The following CSMD3 variants were observed in gnomAD, a reference collection of about 807,000 sequenced individuals.
The protein encoded by CSMD3 is CUB and Sushi multiple domains 3, also known as CUB and sushi domain-containing protein 3.
Under a neutral mutation model 435.2 loss-of-function variants are expected in CSMD3, and 177 were observed. That is an observed-to-expected ratio of 0.41 (90% CI 0.36 to 0.46). The LOEUF (loss-of-function observed/expected upper bound fraction) is 0.46, where lower values mean the gene tolerates loss of function less well. CSMD3 is among the 20% of genes least tolerant of loss of function. The pLI is 0.34. For synonymous variants in CSMD3, 1,656 were observed against 1,520.5 expected (o/e 1.09, Z -2.07); for missense variants, 4,265 against 4,504.6 (o/e 0.95, Z 1.52).
intron 13 of CSMD3, among the ~76,000 whole-genome samples, chr8:112,795,883 A>T (rs576608604): frequency 6.6e-6 from 1 of 152,222 alleles, no homozygotes; most frequent in East Asian, 1.9e-4. Context: ...AAAATCAAAA[A>T]TTTTTCTTTA....
At chr8:112,751,567 A>C (rs1266668574) in intron 13 of CSMD3, among the ~76,000 whole-genome samples, 1 of 149,604 alleles carries the variant, frequency 6.7e-6, no homozygotes, top group Non-Finnish European at 1.5e-5. Context: ...TATGGATCTG[A>C]TTTTCAGGTA....
intron 22 of CSMD3, among the ~76,000 whole-genome samples, chr8:112,636,232 T>A (rs2074653494): frequency 6.6e-6 from 1 of 152,120 alleles, no homozygotes; most frequent in Non-Finnish European, 1.5e-5. Flanking sequence ...ATTATAGTTA[T>A]TTTTTATTTC....
intron 24 of CSMD3, among the ~76,000 whole-genome samples, chr8:112,561,699 C>A (rs1486548817): frequency 6.6e-6 from 1 of 151,590 alleles, no homozygotes; most frequent in Admixed American, 6.6e-5. Context: ...AGCAAATATT[C>A]TAATTCAGTT....
intron 23 of CSMD3, among the ~76,000 whole-genome samples, chr8:112,583,474 T>A (rs898627744): frequency 2.6e-5 from 4 of 151,962 alleles, no homozygotes; most frequent in African/African-American, 9.7e-5. Context: ...CATTAAAGGA[T>A]TTTTTATAAA....
At chr8:112,471,853 C>T (rs1340463894) in intron 32 of CSMD3, among the ~76,000 whole-genome samples, 2 of 152,160 alleles carry the variant, frequency 1.3e-5, no homozygotes, top group Non-Finnish European at 2.9e-5. Flanking sequence ...AGTCTGTGAA[C>T]TTTCAGCCTC....
chr8:112,539,964 C>T (rs1191212777), intron 27 of CSMD3, among the ~76,000 whole-genome samples: 1 of 151,932 alleles, frequency 6.6e-6, no homozygotes, highest in Admixed American at 6.6e-5. Flanking sequence ...GAAGAGATAA[C>T]CTACAGAATG....
At chr8:113,388,024 T>C (rs2094446578) in intron 1 of CSMD3, among the ~76,000 whole-genome samples, 1 of 151,714 alleles carries the variant, frequency 6.6e-6, no homozygotes, top group Non-Finnish European at 1.5e-5. Flanking sequence ...TTGAACCAGA[T>C]ATCCCGCTAT....
At chr8:112,846,864 G>A (rs778613000) in intron 11 of CSMD3, among the ~76,000 whole-genome samples, 2 of 151,942 alleles carry the variant, frequency 1.3e-5, no homozygotes, top group Non-Finnish European at 2.9e-5. Flanking sequence ...AATAGTTAAG[G>A]TACTGCTATA....
chr8:113,178,150 TTGAG>T (rs983047916), intron 3 of CSMD3, among the ~76,000 whole-genome samples: 2 of 151,980 alleles, frequency 1.3e-5, no homozygotes, highest in Non-Finnish European at 2.9e-5. Context: ...AACTTCATTG[TTGAG>T]TATCAGCTTT....
At chr8:113,356,965 C>A (rs115301786) in intron 1 of CSMD3, among the ~76,000 whole-genome samples, 1,537 of 151,686 alleles carry the variant, frequency 0.01, 22 homozygotes, top group African/African-American at 0.036. Flanking sequence ...TTTTTAAAGT[C>A]CTGGATATTA....
chr8:112,440,320 A>G (rs1308912187), intron 32 of CSMD3, among the ~76,000 whole-genome samples: 1 of 152,188 alleles, frequency 6.6e-6, no homozygotes, highest in Non-Finnish European at 1.5e-5. Flanking sequence ...GGTTATACTG[A>G]TGCAAGGGTT....
In CSMD3 at chr8:112,363,021, C is replaced by A. The variant is rs1276396286; in HGVS notation, c.6137-10487G>T. Among the ~76,000 whole-genome samples, 4 of 151,986 alleles carry A rather than the reference C, an allele frequency of 2.6e-5. No individual in the cohort carries two copies. The East Asian group carries it at 7.7e-4, about 29-fold the overall frequency. ...TGAACAGTCCTGAAATCTTAACCAACACAGGTATTTGAACTTTCTGTGTTT... is the reference window on the plus strand; with the variant it reads ...TGAACAGTCCTGAAATCTTAACCAAAACAGGTATTTGAACTTTCTGTGTTT... On this transcript the variant is annotated intron_variant, in intron 38 of 70. Transcript: ENST00000297405.
At chr8:113,026,755 T>A (rs2086891552) in intron 5 of CSMD3, among the ~76,000 whole-genome samples, 1 of 152,168 alleles carries the variant, frequency 6.6e-6, no homozygotes, top group Non-Finnish European at 1.5e-5. Context: ...AATGTTTTAG[T>A]TCTTTTCTTA....
At chr8:112,727,493 A>C (rs1168746432) in intron 13 of CSMD3, among the ~76,000 whole-genome samples, 1 of 151,860 alleles carries the variant, frequency 6.6e-6, no homozygotes, top group Non-Finnish European at 1.5e-5. Flanking sequence ...CCCAAGGACT[A>C]TTCTTGGAGG....
intron 38 of CSMD3, among the ~76,000 whole-genome samples, chr8:112,374,746 CT>C (rs1212120474): frequency 6.6e-6 from 1 of 152,154 alleles, no homozygotes; most frequent in African/African-American, 2.4e-5. Flanking sequence ...TAAAAAGTTG[CT>C]GATTATAATA....
intron 17 of CSMD3, 81 bp downstream of exon 17, chr8:112,666,196 C>G (rs1249098533): frequency 9.1e-7 from 1 of 1,100,512 alleles, no homozygotes; most frequent in East Asian, 2.5e-5. Context: ...ATTAAACATT[C>G]ATTTGGTAAA....
chr8:112,831,644 T>G (rs866231952), intron 11 of CSMD3, among the ~76,000 whole-genome samples: 12 of 151,990 alleles, frequency 7.9e-5, no homozygotes, highest in Middle Eastern at 3.2e-3. Flanking sequence ...TCCTTTTCTG[T>G]GACACAACTG....
chr8:113,315,454 T>G lies in CSMD3; in HGVS notation c.179-661A>C, dbSNP rs889627820. 5.9e-5 allele frequency among the ~76,000 whole-genome samples: 9 copies of G among 152,042 alleles called. No homozygotes were observed. The South Asian group carries it at 6.2e-4, about 11-fold the overall frequency. On this transcript the variant is annotated intron_variant, in intron 1 of 70. Coordinates refer to ENST00000297405, the MANE Select transcript of CSMD3 (RefSeq NM_198123.2). ...GTTAAATAAATGGATCTTGGACAAC[T>G]GACAGCACCCATCTTAAGAACTTCT...
chr8:112,532,919 T>C (rs1476988441), intron 27 of CSMD3, among the ~76,000 whole-genome samples: 2 of 152,092 alleles, frequency 1.3e-5, no homozygotes, highest in Non-Finnish European at 2.9e-5. Context: ...TATGGAAAGA[T>C]ATAAGTTGAT....
Sources: gnomAD v4.1 joint callset for allele counts (sites outside exome capture counted in the v4.1 genomes callset) on GRCh38, gnomAD v4.1.1 for gene constraint, MANE v1.5 for transcripts, NCBI Gene and HGNC (gene_info 2026-07-23, HGNC 2026-07-21) for gene names.